BCL2: variants seen among roughly 807,000 people sequenced by gnomAD.
BCL2 encodes apoptosis regulator Bcl-2.
In BCL2, 1 loss-of-function variant was observed where a neutral mutation model predicts 14.2. The ratio of observed to expected loss-of-function variants is 0.07; its 90% CI spans 0.02 to 0.33. The LOEUF is 0.33. Among genes scored for constraint, BCL2 ranks in the 10% least tolerant of loss-of-function variants. The pLI is 0.99. For synonymous variants in BCL2, 151 were observed against 137.2 expected (o/e 1.10, Z -0.70); for missense variants, 247 against 305.9 (o/e 0.81, Z 1.44).
intron 2 of BCL2, among the ~76,000 whole-genome samples, chr18:63,251,563 T>G (rs1466099354): frequency 6.7e-6 from 1 of 148,624 alleles, no homozygotes; most frequent in African/African-American, 2.5e-5. Context: ...GAGAATGGCG[T>G]GAACCCGGGA....
chr18:63,138,208 G>A (rs1033943377), intron 2 of BCL2, among the ~76,000 whole-genome samples: 7 of 152,284 alleles, frequency 4.6e-5, no homozygotes, highest in East Asian at 1.9e-4. Context: ...CCGCACTGGC[G>A]GCTGGGAGTG....
At chr18:63,143,083 C>T (rs759491682) in intron 2 of BCL2, among the ~76,000 whole-genome samples, 1 of 152,218 alleles carries the variant, frequency 6.6e-6, no homozygotes, top group Non-Finnish European at 1.5e-5. Flanking sequence ...GATACGCTGG[C>T]GTGGCCTCTC....
At chr18:63,166,184 G>A (rs1915040084) in intron 2 of BCL2, among the ~76,000 whole-genome samples, 1 of 152,194 alleles carries the variant, frequency 6.6e-6, no homozygotes, top group Non-Finnish European at 1.5e-5. Context: ...GAGAGAGGTG[G>A]TTGGCAGGAA....
At chr18:63,145,265 G>A (rs1237235368) in intron 2 of BCL2, among the ~76,000 whole-genome samples, 1 of 152,238 alleles carries the variant, frequency 6.6e-6, no homozygotes, top group Non-Finnish European at 1.5e-5. Context: ...GACCAAAAGT[G>A]GTTGTGTCTG....
chr18:63,183,723 G>C (rs887150394), intron 2 of BCL2, among the ~76,000 whole-genome samples: 1 of 152,164 alleles, frequency 6.6e-6, no homozygotes, highest in Admixed American at 6.5e-5. Flanking sequence ...GGCGGGGGCG[G>C]GGGGCTTAAA....
At chr18:63,313,084 A>G (rs1308306774) in intron 2 of BCL2, among the ~76,000 whole-genome samples, 1 of 152,186 alleles carries the variant, frequency 6.6e-6, no homozygotes, top group Admixed American at 6.5e-5. Context: ...GTACATGCAA[A>G]ATAACTTATA....
intron 2 of BCL2, among the ~76,000 whole-genome samples, chr18:63,235,769 C>T (rs1457371174): frequency 6.6e-6 from 1 of 151,650 alleles, no homozygotes; most frequent in Non-Finnish European, 1.5e-5. Context: ...TCTGCATTTT[C>T]TGTTTGCTCG....
chr18:63,159,469 T>A (rs1914864397), intron 2 of BCL2, among the ~76,000 whole-genome samples: 3 of 152,240 alleles, frequency 2.0e-5, no homozygotes, highest in Admixed American at 2.0e-4. Flanking sequence ...GAAGCAGAGA[T>A]AACTGGGAAT....
At chr18:63,156,990 G>A (rs1396005527) in intron 2 of BCL2, among the ~76,000 whole-genome samples, 4 of 152,240 alleles carry the variant, frequency 2.6e-5, no homozygotes, top group Non-Finnish European at 5.9e-5. Context: ...ATGTGAACAT[G>A]AATCTGGGGC....
chr18:63,177,445 C>T (rs919846309), intron 2 of BCL2, among the ~76,000 whole-genome samples: 7 of 152,282 alleles, frequency 4.6e-5, no homozygotes, highest in African/African-American at 1.4e-4. Flanking sequence ...GCAGGTTCCC[C>T]GCGTGCTAAT....
intron 2 of BCL2, among the ~76,000 whole-genome samples, chr18:63,138,344 G>A (rs1430590826): frequency 1.3e-5 from 2 of 152,324 alleles, no homozygotes; most frequent in East Asian, 3.9e-4. Context: ...CAGCCACATT[G>A]TGCTGAATGA....
chr18:63,216,615 A>G (rs1910212394), intron 2 of BCL2, among the ~76,000 whole-genome samples: 1 of 152,198 alleles, frequency 6.6e-6, no homozygotes, highest in Non-Finnish European at 1.5e-5. Flanking sequence ...ACATCTTGGA[A>G]CCCATATCAA....
intron 2 of BCL2, chr18:63,313,994 G>A (rs138221126): frequency 1.3e-5 from 2 of 152,206 alleles, no homozygotes; most frequent in African/African-American, 2.4e-5. Context: ...TTCAATGGAC[G>A]TTAAATAGCA....
chr18:63,152,695 T>A (rs1016828765), intron 2 of BCL2, among the ~76,000 whole-genome samples: 1 of 152,234 alleles, frequency 6.6e-6, no homozygotes, highest in African/African-American at 2.4e-5. Context: ...TAGCTTATCA[T>A]GTGCTTGTCC....
chr18:63,306,081 C>T (rs1913123517), intron 2 of BCL2, among the ~76,000 whole-genome samples: 1 of 152,050 alleles, frequency 6.6e-6, no homozygotes, highest in Non-Finnish European at 1.5e-5. Context: ...TCTCCAAAAA[C>T]AAACAAATAA....
At chr18:63,205,616 C>T (rs186507504) in intron 2 of BCL2, among the ~76,000 whole-genome samples, 6 of 152,074 alleles carry the variant, frequency 3.9e-5, no homozygotes, top group Admixed American at 1.3e-4. Context: ...AAGCTAAATT[C>T]GAACACTACG....
intron 2 of BCL2, among the ~76,000 whole-genome samples, chr18:63,140,242 A>G (rs1358603651): frequency 6.6e-6 from 1 of 152,246 alleles, no homozygotes; most frequent in African/African-American, 2.4e-5. Flanking sequence ...CAGTTTGCTG[A>G]TTCCTCAAAG....
intron 2 of BCL2, among the ~76,000 whole-genome samples, chr18:63,254,214 A>C (rs988894433): frequency 6.6e-6 from 1 of 151,976 alleles, no homozygotes; most frequent in African/African-American, 2.4e-5. Flanking sequence ...CGTGTAAACA[A>C]CATGACTGGA....
intron 2 of BCL2, among the ~76,000 whole-genome samples, chr18:63,304,683 TC>T (rs1913068278): frequency 6.6e-6 from 1 of 152,188 alleles, no homozygotes; most frequent in Non-Finnish European, 1.5e-5. Context: ...GATTATTTCA[TC>T]CACCCACGTA....
Sources: allele counts gnomAD v4.1 joint callset (sites outside exome capture counted in the v4.1 genomes callset), GRCh38; gene constraint gnomAD v4.1.1; transcripts MANE v1.5; gene names NCBI Gene and HGNC (gene_info 2026-07-23, HGNC 2026-07-21).